XPO7: variants seen among roughly 807,000 people sequenced by gnomAD.
The protein encoded by XPO7 is exportin 7.
Under a neutral mutation model 144.3 loss-of-function variants are expected in XPO7, and 21 were observed. The observed-to-expected ratio is 0.15, with a 90% CI of 0.10 to 0.21. XPO7 has a LOEUF of 0.21. XPO7 is among the 10% of genes least tolerant of loss of function. XPO7 has a pLI of 1.00. For synonymous variants in XPO7, 580 were observed against 499.6 expected, an observed-to-expected ratio of 1.16 and a Z score of -2.15; for missense variants, 808 against 1,325.8, an observed-to-expected ratio of 0.61 and a Z score of 6.06.
Position 21,980,152 on chromosome 8 carries a change from G to C in XPO7, c.906G>C (p.Lys302Asn). ...RSLFNNAERA[K>N]FLSHLVDGVK... ...TGTTTAACAATGCAGAGAGGGCCAA[G>C]TTTCTCTCTCATCTTGTTGATGGTG... is the stretch of plus-strand genomic sequence containing the variant. Residue 302 changes from lysine (K) to asparagine (N), a missense_variant, in exon 9 of 28, where the codon AAG (lysine) becomes AAC (asparagine). Transcript: ENST00000252512. 1 of 1,605,548 alleles carries C rather than the reference G, an allele frequency of 6.2e-7. No individual in the cohort carries two copies. Among genetic ancestry groups the C allele is most frequent in the Non-Finnish European group, 8.5e-7 (1 of 1,175,608 alleles).
intron 10 of XPO7, 81 bp from the exon 11 acceptor site, chr8:21,982,559 C>A: frequency 6.9e-7 from 1 of 1,455,366 alleles, no homozygotes; most frequent in Non-Finnish European, 9.1e-7. Flanking sequence ...AGAAAAAAGT[C>A]TTTATCTTCT....
At chr8:21,991,455 GA>G (rs1396515558) in intron 18 of XPO7, among the ~76,000 whole-genome samples, 2 of 152,210 alleles carry the variant, frequency 1.3e-5, no homozygotes, top group African/African-American at 4.8e-5. Context: ...CTAGGTTTAT[GA>G]GAGATGACTT....
chr8:21,973,449 CATG>C (rs1195739336), intron 5 of XPO7, among the ~76,000 whole-genome samples: 5 of 152,130 alleles, frequency 3.3e-5, no homozygotes, highest in Admixed American at 2.0e-4. Flanking sequence ...ATCTAAGACA[CATG>C]ATAACACAAT....
At position 22,002,022 on chromosome 8, in the gene XPO7, G is replaced by T. The variant is rs569332506; in HGVS notation, c.2783-90G>T. 180 of 1,463,818 alleles carry T rather than the reference G, an allele frequency of 1.2e-4. 2 individuals carry two copies. The South Asian group carries it at 2.3e-3, about 19-fold the overall frequency. The allele number at this position is 1,463,818 out of a possible 1,614,324, so 90.7% of individuals were successfully genotyped here. A position where few individuals can be genotyped will look rare whatever the true frequency, so the allele number is the denominator to read the frequency against. The stretch of plus-strand genomic sequence containing the variant: ...AACCGCCTTGGTTGAATTGGCCACG[G>T]TACCCTAATGGATCTCACCCAAAGA... On this transcript the variant is annotated intron_variant, in intron 24 of 27. Transcript: ENST00000252512.
chr8:21,937,310 T>C (rs1563312514), intron 1 of XPO7, among the ~76,000 whole-genome samples: 1 of 152,252 alleles, frequency 6.6e-6, no homozygotes, highest in Non-Finnish European at 1.5e-5. Context: ...CTGTTTGCTT[T>C]TTAAAACATC....
intron 1 of XPO7, among the ~76,000 whole-genome samples, chr8:21,936,531 G>A (rs1035073979): frequency 6.6e-6 from 1 of 152,088 alleles, no homozygotes; most frequent in Non-Finnish European, 1.5e-5. Context: ...TTCAAATTTC[G>A]TGAAGCCACA....
chr8:21,972,432 G>A (rs561808130), intron 5 of XPO7, among the ~76,000 whole-genome samples: 5 of 152,188 alleles, frequency 3.3e-5, no homozygotes, highest in African/African-American at 1.2e-4. Flanking sequence ...AGCCAAGATC[G>A]CGCTGTTGCA....
rs1296844133 is a variant in XPO7, at chr8:21,966,409, C to A, written c.19-448C>A. On this transcript the variant is annotated intron_variant, in intron 1 of 27. Transcript: ENST00000252512. ...TTATTGTAAGCTAATAACTACTACT[C>A]AAAGGAATATTTAAAGCTATATGAA... The A allele has an allele frequency of 4.2e-6, 3 of 709,734 alleles. No individual in the cohort carries two copies. In the Admixed American group the frequency reaches 6.4e-5, roughly 15 times the overall value. 44.0% of individuals were successfully genotyped at this position (709,734 alleles called of 1,614,324 possible).
At chr8:21,965,562 A>C (rs1320255280) in intron 1 of XPO7, among the ~76,000 whole-genome samples, 1 of 152,198 alleles carries the variant, frequency 6.6e-6, no homozygotes, top group African/African-American at 2.4e-5. Flanking sequence ...GTTTCGTTTT[A>C]AGGGCAAGGT....
At chr8:21,994,556 A>G in intron 20 of XPO7, 105 bp downstream of exon 20, 1 of 1,068,400 alleles carries the variant, frequency 9.4e-7, no homozygotes, top group African/African-American at 1.6e-5. Flanking sequence ...GTAGTGAGGC[A>G]GAGAAGATGA....
Position 21,990,812 on chromosome 8 carries a change from G to A in XPO7, c.1934G>A (p.Ser645Asn), listed in dbSNP as rs200349625. ...AVQFMLNNHT[S>N]EHFSFLGINN... ...AACTTCTTTTCTTTTTTTCAATAGA[G>A]CGAGCACTTTTCATTTTTGGGTATT... Residue 645 changes from serine (S) to asparagine (N), a missense_variant and splice_region_variant, in exon 18 of 28, where the codon AGC (serine) becomes AAC (asparagine). Physicochemically the swap from Ser to Asn is conservative, Grantham distance 46 (BLOSUM62 1). Transcript: ENST00000252512. The A allele has an allele frequency of 1.8e-5, 29 of 1,613,484 alleles. No homozygotes were observed. Among genetic ancestry groups the A allele is most frequent in the Non-Finnish European group, 2.4e-5 (28 of 1,179,770 alleles).
chr8:21,992,729 G>T (rs1812811730), intron 19 of XPO7, among the ~76,000 whole-genome samples: 1 of 151,960 alleles, frequency 6.6e-6, no homozygotes, highest in South Asian at 2.1e-4. Flanking sequence ...CCACATATAT[G>T]GAATTTTAAG....
At chr8:21,962,501 A>G (rs1811757664) in intron 1 of XPO7, among the ~76,000 whole-genome samples, 1 of 152,218 alleles carries the variant, frequency 6.6e-6, no homozygotes, top group Non-Finnish European at 1.5e-5. Flanking sequence ...AACTAGTAAA[A>G]TGTTACTAAT....
intron 1 of XPO7, among the ~76,000 whole-genome samples, chr8:21,957,214 T>G (rs76041575): frequency 0.019 from 2,933 of 152,178 alleles, 111 homozygotes; most frequent in African/African-American, 0.068. Flanking sequence ...ATTGACCTAT[T>G]TGTTACAGGG....
chr8:21,963,287 A>G (rs1169690905), intron 1 of XPO7, among the ~76,000 whole-genome samples: 1 of 152,168 alleles, frequency 6.6e-6, no homozygotes, highest in Non-Finnish European at 1.5e-5. Flanking sequence ...GATTATGCTT[A>G]TGTCTAGTTC....
At chr8:21,968,343 A>G (rs1235674295) in intron 2 of XPO7, among the ~76,000 whole-genome samples, 1 of 152,242 alleles carries the variant, frequency 6.6e-6, no homozygotes, top group African/African-American at 2.4e-5. Context: ...TTGTTTATAC[A>G]GTAAATAGAA....
intron 1 of XPO7, among the ~76,000 whole-genome samples, chr8:21,964,733 T>A (rs1312275122): frequency 6.6e-6 from 1 of 152,252 alleles, no homozygotes; most frequent in Non-Finnish European, 1.5e-5. Flanking sequence ...CCCTGCAGTA[T>A]GTTTTGTCTG....
chr8:21,995,588 G>T lies in XPO7; in HGVS notation c.2334G>T (p.Leu778Phe). The change falls in exon 21 of 28, where the codon TTG becomes TTT. Residue 778 changes from leucine to phenylalanine, a missense_variant. By Grantham distance (22) the Leu-to-Phe change is conservative (BLOSUM62 0). Around this residue, in one of 5 missense-constraint regions of XPO7, gnomAD observed 416 missense variants for 612.5 expected, o/e 0.68. Coordinates refer to ENST00000252512, the MANE Select transcript of XPO7 (RefSeq NM_015024.5). ...TTPVLKLMAELVHNRSQRLQF... is the reference protein window; with the variant it reads ...TTPVLKLMAEFVHNRSQRLQF... ...CTGTACTCAAGTTGATGGCTGAATT[G>T]GTTCATAATAGGTAAGCAGGAGGCA... 1 of 1,599,706 alleles carries T rather than the reference G, an allele frequency of 6.3e-7. No homozygotes were observed. Among genetic ancestry groups the T allele is most frequent in the South Asian group, 1.1e-5 (1 of 88,346 alleles).
intron 1 of XPO7, among the ~76,000 whole-genome samples, chr8:21,934,965 A>G (rs1473462460): frequency 6.6e-6 from 1 of 152,264 alleles, no homozygotes; most frequent in Admixed American, 6.5e-5. Context: ...CATCTGTGTG[A>G]TTAATGAAGA....
Sources: allele counts gnomAD v4.1 joint callset (sites outside exome capture counted in the v4.1 genomes callset), GRCh38; gene constraint gnomAD v4.1.1; regional missense constraint gnomAD v4.1.1; transcripts MANE v1.5; gene names NCBI Gene and HGNC (gene_info 2026-07-23, HGNC 2026-07-21).